Variants in ZAP70 observed in about 807,000 individuals in gnomAD.
ZAP70 encodes tyrosine-protein kinase ZAP-70.
In ZAP70, 27 loss-of-function variants were observed where a neutral mutation model predicts 65.8. The ratio of observed to expected loss-of-function variants is 0.41; its 90% CI spans 0.30 to 0.57. ZAP70 has a LOEUF of 0.57. Ranked by LOEUF, ZAP70 falls within the 20% of genes least tolerant of loss-of-function variation. The probability of loss-of-function intolerance (pLI) is 0.28; values close to 1 mark genes in which losing one functional copy is unlikely to be tolerated. For synonymous variants in ZAP70, 363 were observed against 360.8 expected (o/e 1.01, Z -0.07); for missense variants, 696 against 870.5 (o/e 0.80, Z 2.52).
At chr2:97,724,846 C>G in intron 3 of ZAP70, 1 of 1,523,056 alleles carries the variant, frequency 6.6e-7, no homozygotes, top group African/African-American at 1.4e-5. Context: ...GCACAACTAC[C>G]TGAATTAGGT....
At chr2:97,735,165 A>C in intron 9 of ZAP70, 85 bp from the exon 10 acceptor site, 1 of 1,526,132 alleles carries the variant, frequency 6.6e-7, no homozygotes, top group Non-Finnish European at 9.0e-7. Context: ...AACTCAAGGG[A>C]GAAGAGAGAT....
chr2:97,749,073 A>G, the ZAP70 span, among the ~76,000 whole-genome samples: 1 of 143,308 alleles, frequency 7.0e-6, no homozygotes, highest in Non-Finnish European at 1.5e-5. Context: ...GCAGTGGCGC[A>G]ATCTCGGCTC....
intron 10 of ZAP70, 102 bp downstream of exon 10, chr2:97,735,558 C>A: frequency 1.5e-6 from 2 of 1,350,374 alleles, no homozygotes; most frequent in Non-Finnish European, 2.0e-6. Flanking sequence ...GAAGCCGGGG[C>A]ACTTCCACAC....
chr2:97,734,537 GACAA>G lies in ZAP70; in HGVS notation c.910_913del (p.Lys304ArgfsTer28). The G allele has an allele frequency of 6.2e-7, 1 of 1,613,936 alleles. No homozygotes were observed. The highest frequency in any genetic ancestry group is 8.5e-7 in the Non-Finnish European group (1 of 1,179,986). ...GTGCCCAGCACGCATAACGTCCCCA[GACAA>G]ACCGCGGCCGATGCCCATGGACACG... On this transcript the variant is annotated frameshift_variant, in exon 9 of 14. Coordinates refer to ENST00000264972, the MANE Select transcript of ZAP70 (RefSeq NM_001079.4). LOFTEE classifies it high-confidence loss of function.
intron 4 of ZAP70, among the ~76,000 whole-genome samples, chr2:97,730,616 G>A (rs1380215419): frequency 6.6e-6 from 1 of 152,182 alleles, no homozygotes; most frequent in East Asian, 1.9e-4. Context: ...CAAGGCACAT[G>A]GTCAAGCCCT....
At chr2:97,716,699 C>T (rs1676928367) in intron 2 of ZAP70, among the ~76,000 whole-genome samples, 1 of 152,056 alleles carries the variant, frequency 6.6e-6, no homozygotes, top group East Asian at 1.9e-4. Context: ...GCCCGTGTGG[C>T]TGGAGGGGAG....
At chr2:97,738,445 T>C (rs1160401398) in intron 13 of ZAP70, 3 of 386,932 alleles carry the variant, frequency 7.8e-6, no homozygotes, top group Admixed American at 7.4e-5. Flanking sequence ...GGGCATGAGA[T>C]GATTCTCCAG....
chr2:97,733,770 C>A, intron 8 of ZAP70, 175 bp downstream of exon 8: 1 of 748,622 alleles, frequency 1.3e-6, no homozygotes, highest in Admixed American at 2.2e-5. Flanking sequence ...TGCCTGTGCA[C>A]ATGTACGTCC....
At chr2:97,721,228 A>G (rs1373020947) in intron 2 of ZAP70, among the ~76,000 whole-genome samples, 1 of 152,218 alleles carries the variant, frequency 6.6e-6, no homozygotes, top group African/African-American at 2.4e-5. Context: ...CAGTTGATCA[A>G]CACTGCGGAG....
the ZAP70 span, among the ~76,000 whole-genome samples, chr2:97,751,134 T>A: frequency 6.6e-6 from 1 of 152,204 alleles, no homozygotes; most frequent in East Asian, 1.9e-4. Flanking sequence ...TGAATATACA[T>A]GAGTGTGTGG....
intron 3 of ZAP70, 92 bp downstream of exon 3, chr2:97,724,530 C>A: frequency 6.6e-7 from 1 of 1,522,134 alleles, no homozygotes; most frequent in Non-Finnish European, 8.8e-7. Flanking sequence ...AGGAAAAGGT[C>A]GTCTTCCCCA....
Position 97,719,840 on chromosome 2 carries a change from C to T in ZAP70, c.-21-4176C>T, listed in dbSNP as rs1375749280. On this transcript the variant is annotated intron_variant, in intron 2 of 13. Coordinates refer to ENST00000264972, the MANE Select transcript of ZAP70 (RefSeq NM_001079.4). Reference sequence around the variant, plus strand: ...AGATACAGACTATTCCCCCAAATTCCGTCCTGCCCTCTGTCGTCACTCCTT... The same window carrying T: ...AGATACAGACTATTCCCCCAAATTCTGTCCTGCCCTCTGTCGTCACTCCTT... Among the ~76,000 whole-genome samples, 6 of 152,150 alleles carry T rather than the reference C, an allele frequency of 3.9e-5. No individual in the cohort carries two copies. In the East Asian group the frequency reaches 5.8e-4, roughly 15 times the overall value.
rs750301906 is a variant in ZAP70, at chr2:97,725,075, C to G, written c.403-17C>G. 1.2e-5 allele frequency: 20 copies of G among 1,613,516 alleles called. 1 individual carries two copies. The South Asian group carries it at 2.0e-4, about 16-fold the overall frequency. ...ACTTGGCCACACCTACAGACCTCCT[C>G]GCCTCTCCTTTTCTAGGGCGAGGCC... On this transcript the variant is annotated splice_polypyrimidine_tract_variant and intron_variant, in intron 3 of 13. Coordinates refer to ENST00000264972, the MANE Select transcript of ZAP70 (RefSeq NM_001079.4).
chr2:97,717,693 G>A (rs879728702), intron 2 of ZAP70, among the ~76,000 whole-genome samples: 1 of 152,262 alleles, frequency 6.6e-6, no homozygotes, highest in African/African-American at 2.4e-5. Flanking sequence ...GCTGAAAGAG[G>A]TCCTTCCATG....
intron 9 of ZAP70, 58 bp from the exon 10 acceptor site, chr2:97,735,192 G>T (rs1573284239): frequency 5.3e-6 from 4 of 757,468 alleles, no homozygotes; most frequent in South Asian, 3.0e-5. Context: ...GTGGGGGTGT[G>T]GGGCCGAGCA....
Position 97,739,711 on chromosome 2 carries a change from T to C in ZAP70, c.*213T>C. The C allele has an allele frequency of 1.3e-6, 1 of 747,808 alleles. No individual in the cohort carries two copies. Among genetic ancestry groups the C allele is most frequent in the East Asian group, 2.7e-5 (1 of 36,496 alleles). 46.3% of individuals were successfully genotyped at this position (747,808 alleles called of 1,614,324 possible). A position where few individuals can be genotyped will look rare whatever the true frequency, so the allele number is the denominator to read the frequency against. On this transcript the variant is annotated 3_prime_UTR_variant, in exon 14 of 14. Transcript: ENST00000264972. ...AGGGAGGTCCGGGAGGGTGCGGCTG[T>C]GCAGCCTGTCCTGGGCTGGTGGCTC...
At chr2:97,725,382 T>G (rs966112312) in intron 4 of ZAP70, 130 bp downstream of exon 4, 1 of 1,161,468 alleles carries the variant, frequency 8.6e-7, no homozygotes, top group African/African-American at 1.5e-5. Context: ...GCAAGTGGGT[T>G]GTGTGTTTCT....
At chr2:97,734,484 C>A in intron 8 of ZAP70, 36 bp from the exon 9 acceptor site, 1 of 1,597,312 alleles carries the variant, frequency 6.3e-7, no homozygotes, top group South Asian at 1.1e-5. Context: ...CACACCCCTG[C>A]CCCTGACCTG....
chr2:97,739,705 C>T lies in ZAP70; in HGVS notation c.*207C>T, dbSNP rs1032023976. 17 of 792,454 alleles carry T rather than the reference C, an allele frequency of 2.1e-5. No individual in the cohort carries two copies. The highest frequency in any genetic ancestry group is 6.9e-5 in the African/African-American group (4 of 57,948). The allele number at this position is 792,454 out of a possible 1,614,324, so 49.1% of individuals were successfully genotyped here. On this transcript the variant is annotated 3_prime_UTR_variant, in exon 14 of 14. Coordinates refer to ENST00000264972, the MANE Select transcript of ZAP70 (RefSeq NM_001079.4). ...GGGAGCAGGGAGGTCCGGGAGGGTG[C>T]GGCTGTGCAGCCTGTCCTGGGCTGG...
Sources: allele counts gnomAD v4.1 joint callset (sites outside exome capture counted in the v4.1 genomes callset), GRCh38; gene constraint gnomAD v4.1.1; transcripts MANE v1.5; gene names NCBI Gene and HGNC (gene_info 2026-07-23, HGNC 2026-07-21).